The following PLEKHG1 variants were observed in gnomAD, a reference collection of about 807,000 sequenced individuals.
PLEKHG1 encodes pleckstrin homology domain-containing family G member 1.
A neutral mutation model predicts 100.8 loss-of-function variants in PLEKHG1; 44 were observed. The ratio of observed to expected loss-of-function variants is 0.44; its 90% CI spans 0.34 to 0.56. The LOEUF (loss-of-function observed/expected upper bound fraction) is 0.56. Among genes scored for constraint, PLEKHG1 ranks in the 20% least tolerant of loss-of-function variants. The pLI, the probability that PLEKHG1 is intolerant of heterozygous loss-of-function variation, is 0.01. For missense variants in PLEKHG1, 1,545 were observed against 1,720.9 expected, an observed-to-expected ratio of 0.90 and a Z score of 1.81; for synonymous variants, 640 against 662.5, an observed-to-expected ratio of 0.97 and a Z score of 0.52.
intron 2 of PLEKHG1, among the ~76,000 whole-genome samples, chr6:150,739,678 A>C (rs1240806196): frequency 6.6e-6 from 1 of 151,656 alleles, no homozygotes; most frequent in Admixed American, 6.6e-5. Flanking sequence ...AAAAAAAAAC[A>C]AAAAAACAAA....
rs902172400 is a variant in PLEKHG1 at position 150,819,864 on chromosome 6, T to G, written c.1408+90T>G. ...GTCTGACAAAAGGGAATGTTCTGTC[T>G]GGTTTCTCAGCTCACTGCCGGTCTG... On this transcript the variant is annotated intron_variant, in intron 12 of 15. Coordinates refer to ENST00000358517, the Ensembl canonical transcript of PLEKHG1. The G allele has an allele frequency of 4.8e-5, 39 of 807,064 alleles. No homozygotes were observed. The Admixed American group carries it at 5.6e-4, about 12-fold the overall frequency. The allele number at this position is 807,064 out of a possible 1,614,324, so 50.0% of individuals were successfully genotyped here.
chr6:150,824,090 C>T (rs1321077859), intron 14 of PLEKHG1, among the ~76,000 whole-genome samples: 1 of 152,172 alleles, frequency 6.6e-6, no homozygotes, highest in East Asian at 1.9e-4. Context: ...TTCACAAGGG[C>T]GAGGGGCCCC....
intron 3 of PLEKHG1, among the ~76,000 whole-genome samples, chr6:150,780,145 T>TA (rs949232356): frequency 3.1e-4 from 46 of 150,568 alleles, no homozygotes; most frequent in South Asian, 2.6e-3. Context: ...TAATTTTTTT[T>TA]TTTTTTTTGA....
At chr6:150,759,248 G>A (rs1344281164) in intron 2 of PLEKHG1, among the ~76,000 whole-genome samples, 2 of 152,200 alleles carry the variant, frequency 1.3e-5, no homozygotes, top group African/African-American at 2.4e-5. Flanking sequence ...GCCATGGGAT[G>A]TATACATATG....
Position 150,826,258 on chromosome 6 carries a change from G to A in PLEKHG1, c.1470+2582G>A, listed in dbSNP as rs76443912. On this transcript the variant is annotated intron_variant, in intron 14 of 15. Transcript: ENST00000358517. ...GGATTGCCTAAGCTTGGGAGTTCAC[G>A]ATCAGCCTGGCCAACACAGTGAAAC... Among the ~76,000 whole-genome samples, 183 of 152,146 alleles carry A rather than the reference G, an allele frequency of 1.2e-3. 1 individual carries two copies. The East Asian group carries it at 0.015, about 12-fold the overall frequency.
chr6:150,823,434 A>G (rs1401876321), intron 13 of PLEKHG1, among the ~76,000 whole-genome samples: 1 of 152,220 alleles, frequency 6.6e-6, no homozygotes, highest in East Asian at 1.9e-4. Context: ...AAGGAAGACA[A>G]CTAGTGCTCA....
At chr6:150,725,942 G>T (rs1256973968) in intron 1 of PLEKHG1, among the ~76,000 whole-genome samples, 3 of 152,086 alleles carry the variant, frequency 2.0e-5, no homozygotes, top group African/African-American at 7.2e-5. Context: ...ATAAAAAAAA[G>T]AAGGAAATCC....
rs34843386 is a variant in PLEKHG1 at position 150,612,045 on chromosome 6, T to TC, written c.-204+12043dup. The stretch of plus-strand genomic sequence containing the variant: ...CCTACTTTCAGCTTCCTGGTGTTGT[T>TC]CCCCCCCCCCCCCCCTTTTCTAGTT... On this transcript the variant is annotated intron_variant, in intron 1 of 3. Transcript: ENST00000367326. Among the ~76,000 whole-genome samples, 351 of 77,236 alleles carry TC rather than the reference T, an allele frequency of 4.5e-3. 7 individuals carry two copies. The highest frequency in any genetic ancestry group is 7.5e-3 in the Middle Eastern group (1 of 134). The allele number at this position is 77,236 out of a possible 152,430, so 50.7% of individuals were successfully genotyped here.
At chr6:150,672,172 G>A (rs1325523128) in intron 3 of PLEKHG1, among the ~76,000 whole-genome samples, 1 of 152,040 alleles carries the variant, frequency 6.6e-6, no homozygotes, top group African/African-American at 2.4e-5. Context: ...CCCCTCTTTG[G>A]GTAATGGAAA....
chr6:150,809,867 A>G (rs1484865136), intron 10 of PLEKHG1, 133 bp downstream of exon 11: 4 of 586,798 alleles, frequency 6.8e-6, no homozygotes, highest in Non-Finnish European at 1.2e-5. Flanking sequence ...AGACTGTCTC[A>G]AAATAAAAAC....
At position 150,737,943 on chromosome 6, in the gene PLEKHG1, A is replaced by G. The variant is rs1782660324; in HGVS notation, c.411+3851A>G. 2.0e-5 allele frequency among the ~76,000 whole-genome samples: 3 copies of G among 150,066 alleles called. No homozygotes were observed. In the South Asian group the frequency reaches 6.3e-4, roughly 32 times the overall value. ...CTCAGCCTCCCATGTATCTAGGACT[A>G]CAGGTGCACACCACCACACCTTGCT... On this transcript the variant is annotated intron_variant, in intron 2 of 15. Transcript: ENST00000358517.
chr6:150,767,696 C>T (rs1471688558), intron 2 of PLEKHG1, among the ~76,000 whole-genome samples: 1 of 152,164 alleles, frequency 6.6e-6, no homozygotes, highest in African/African-American at 2.4e-5. Flanking sequence ...AATGCGGCTG[C>T]GGTGCTGGGA....
chr6:150,693,933 G>A (rs1386526456), intron 3 of PLEKHG1, among the ~76,000 whole-genome samples: 3 of 152,194 alleles, frequency 2.0e-5, no homozygotes, highest in Non-Finnish European at 4.4e-5. Context: ...TGTGTCGCGT[G>A]ATAGTTTAGA....
At chr6:150,706,794 TA>T (rs965897344) in intron 3 of PLEKHG1, among the ~76,000 whole-genome samples, 19 of 151,808 alleles carry the variant, frequency 1.3e-4, no homozygotes, top group African/African-American at 4.6e-4. Flanking sequence ...ACTTTGAATA[TA>T]AAGAGACCAA....
intron 5 of PLEKHG1, among the ~76,000 whole-genome samples, chr6:150,796,741 C>A (rs540326782): frequency 6.6e-6 from 1 of 152,204 alleles, no homozygotes; most frequent in African/African-American, 2.4e-5. Context: ...TCACCCCTGC[C>A]CCTTCCCCAT....
rs747006670 is a variant in PLEKHG1 at position 150,733,858 on chromosome 6, C to T, written c.177C>T (p.Ala59=). 13 of 1,614,050 alleles carry T rather than the reference C, an allele frequency of 8.1e-6. No homozygotes were observed. The East Asian group carries it at 2.7e-4, about 33-fold the overall frequency. Residue 59 remains alanine, a synonymous_variant, in exon 2 of 16, where the codon GCC becomes GCT. Transcript: ENST00000358517. ...CCATAAAACTGGAGCTGATTCCTGC[C>T]AGGCCGTTTTCCAGCAGCGAGCTGC... is the stretch of plus-strand genomic sequence containing the variant.
intron 2 of PLEKHG1, among the ~76,000 whole-genome samples, chr6:150,765,319 C>T (rs1480068542): frequency 6.6e-6 from 1 of 150,542 alleles, no homozygotes; most frequent in African/African-American, 2.5e-5. Flanking sequence ...ATGGTGAAAC[C>T]CCGTCTCTGC....
chr6:150,616,318 G>T (rs1777069769), intron 1 of PLEKHG1, among the ~76,000 whole-genome samples: 1 of 152,178 alleles, frequency 6.6e-6, no homozygotes, highest in African/African-American at 2.4e-5. Context: ...TAAAATTGAG[G>T]ATGGTATTGT....
At chr6:150,781,531 T>A (rs1442550198) in intron 3 of PLEKHG1, among the ~76,000 whole-genome samples, 3 of 150,076 alleles carry the variant, frequency 2.0e-5, no homozygotes, top group Non-Finnish European at 4.4e-5. Context: ...GAAAAGAAAA[T>A]CAGTAAGATT....
Sources: gnomAD v4.1 joint callset for allele counts (sites outside exome capture counted in the v4.1 genomes callset) on GRCh38, gnomAD v4.1.1 for gene constraint, MANE v1.5 for transcripts, NCBI Gene and HGNC (gene_info 2026-07-23, HGNC 2026-07-21) for gene names.